Variants in ATP8A2 observed in about 807,000 individuals in gnomAD.
ATP8A2 encodes phospholipid-transporting ATPase IB.
In ATP8A2, 100 loss-of-function variants were observed where a neutral mutation model predicts 165.6. The ratio of observed to expected loss-of-function variants is 0.60; its 90% CI spans 0.51 to 0.71. ATP8A2 has a LOEUF of 0.71. Among genes scored for constraint, ATP8A2 ranks in the 30% least tolerant of loss-of-function variants. The pLI is 0.00. For synonymous variants in ATP8A2, 543 were observed against 548.8 expected (o/e 0.99, Z 0.15); for missense variants, 1,227 against 1,479.5 (o/e 0.83, Z 2.80).
chr13:25,800,126 G>A (rs2181425), intron 27 of ATP8A2, among the ~76,000 whole-genome samples: 86,385 of 152,110 alleles, frequency 0.57, 24,813 homozygotes, highest in East Asian at 0.69. Flanking sequence ...TTCATTTTAC[G>A]TGAGGAAGCC....
At chr13:25,724,345 C>T (rs1463305666) in intron 25 of ATP8A2, among the ~76,000 whole-genome samples, 1 of 152,106 alleles carries the variant, frequency 6.6e-6, no homozygotes, top group African/African-American at 2.4e-5. Context: ...CACTAACAAG[C>T]GGTAGAAATG....
At chr13:25,904,262 G>A (rs1303730684) in intron 33 of ATP8A2, among the ~76,000 whole-genome samples, 1 of 152,160 alleles carries the variant, frequency 6.6e-6, no homozygotes, top group Non-Finnish European at 1.5e-5. Flanking sequence ...AGAAACCTTG[G>A]GGAGTCTGAT....
intron 22 of ATP8A2, among the ~76,000 whole-genome samples, chr13:25,581,186 C>T (rs2039766536): frequency 6.6e-6 from 1 of 152,122 alleles, no homozygotes; most frequent in Non-Finnish European, 1.5e-5. Context: ...GATGTGAGTA[C>T]ATGGAGCAGG....
At chr13:25,614,472 C>A (rs1438689074) in intron 24 of ATP8A2, among the ~76,000 whole-genome samples, 2 of 152,064 alleles carry the variant, frequency 1.3e-5, no homozygotes, top group African/African-American at 4.8e-5. Flanking sequence ...CTGGTGCCTC[C>A]TTGAGTAGCT....
chr13:25,837,125 G>A (rs377335769), intron 28 of ATP8A2, 38 bp from the exon 29 acceptor site: 189 of 1,600,220 alleles, frequency 1.2e-4, no homozygotes, highest in East Asian at 2.0e-4. Context: ...GTGTGGATCC[G>A]AAGGGCTGCT....
Position 25,579,912 on chromosome 13 carries a change from C to G in ATP8A2, c.1972C>G (p.Gln658Glu). 1 of 1,613,992 alleles carries G rather than the reference C, an allele frequency of 6.2e-7. No homozygotes were observed. Among genetic ancestry groups the G allele is most frequent in the African/African-American group, 1.3e-5 (1 of 74,998 alleles). Residue 658 changes from glutamine to glutamate, a missense_variant, in exon 22 of 37, where the codon CAA (glutamine) becomes GAA (glutamate). Physicochemically the swap from Gln to Glu is conservative, Grantham distance 29 (BLOSUM62 2). Coordinates refer to ENST00000381655, the MANE Select transcript of ATP8A2 (RefSeq NM_016529.6). ...CAGCACCATATTGAAGGACAGAGCT[C>G]AACGGTTGGAAGAGTGTTACGAGAT... The part of the protein sequence containing the change: ...EASTILKDRA[Q>E]RLEECYEIIE...
intron 25 of ATP8A2, among the ~76,000 whole-genome samples, chr13:25,745,479 A>T (rs1327359675): frequency 6.6e-6 from 1 of 152,190 alleles, no homozygotes; most frequent in Admixed American, 6.5e-5. Flanking sequence ...CAACGACTGG[A>T]CATGGACATT....
intron 24 of ATP8A2, among the ~76,000 whole-genome samples, chr13:25,598,561 T>C (rs1387542946): frequency 6.6e-6 from 1 of 152,206 alleles, no homozygotes; most frequent in Non-Finnish European, 1.5e-5. Context: ...ACAGGACTTG[T>C]GCACGTCAAA....
intron 10 of ATP8A2, among the ~76,000 whole-genome samples, chr13:25,549,623 C>T (rs1354648832): frequency 1.3e-5 from 2 of 152,090 alleles, no homozygotes; most frequent in African/African-American, 4.8e-5. Context: ...TGGCTTTCCT[C>T]TCTTCAGTGT....
rs77869403 is a variant in ATP8A2, at chr13:25,953,084, C to G, written c.3184-8491C>G. Among the ~76,000 whole-genome samples the G allele has an allele frequency of 2.7e-3, 414 of 152,290 alleles. 1 individual carries two copies. Among genetic ancestry groups the G allele is most frequent in the African/African-American group, 9.6e-3 (401 of 41,560 alleles). ...GGCAACTGCAAGGGTTCTTCCAAAT[C>G]CGATTGTCCTGACAGGTTTTGTTTT... On this transcript the variant is annotated intron_variant, in intron 33 of 36. Transcript: ENST00000381655. This position sits in a 1 kb window ranked among gnomAD's most constrained non-coding sequence, Gnocchi z 6.7.
At chr13:25,632,691 T>C (rs1345391746) in intron 24 of ATP8A2, among the ~76,000 whole-genome samples, 1 of 152,112 alleles carries the variant, frequency 6.6e-6, no homozygotes, top group Non-Finnish European at 1.5e-5. Flanking sequence ...GGATGGGCCT[T>C]AGGTAAAGAC....
At chr13:25,567,755 A>G (rs1409700274) in intron 16 of ATP8A2, among the ~76,000 whole-genome samples, 1 of 152,200 alleles carries the variant, frequency 6.6e-6, no homozygotes, top group Non-Finnish European at 1.5e-5. Context: ...TATGTTAACT[A>G]AACTCTTTGA....
intron 10 of ATP8A2, among the ~76,000 whole-genome samples, chr13:25,549,347 C>T (rs527936359): frequency 6.6e-6 from 1 of 151,634 alleles, no homozygotes; most frequent in Non-Finnish European, 1.5e-5. Context: ...GTAATCCCAG[C>T]TACTTGGGAG....
At chr13:25,596,757 T>C (rs2040246286) in intron 24 of ATP8A2, among the ~76,000 whole-genome samples, 1 of 152,232 alleles carries the variant, frequency 6.6e-6, no homozygotes, top group Admixed American at 6.5e-5. Context: ...GGTGAACATC[T>C]GTTTTTGTTT....
chr13:25,823,847 T>C (rs886701815), intron 27 of ATP8A2, among the ~76,000 whole-genome samples: 1 of 152,324 alleles, frequency 6.6e-6, no homozygotes, highest in East Asian at 1.9e-4. Context: ...TTTTAACTTC[T>C]ATTTTCCTCT....
intron 33 of ATP8A2, among the ~76,000 whole-genome samples, chr13:25,890,841 A>T (rs1314811701): frequency 6.6e-6 from 1 of 152,268 alleles, no homozygotes; most frequent in Non-Finnish European, 1.5e-5. Context: ...GTATTGCTTA[A>T]AAATGACACA....
At chr13:25,501,414 G>C (rs970329283) in intron 2 of ATP8A2, among the ~76,000 whole-genome samples, 1 of 152,210 alleles carries the variant, frequency 6.6e-6, no homozygotes. Flanking sequence ...TGGTTGTCTG[G>C]CATCTGGCTC....
At chr13:25,994,866 A>G (rs902843924) in intron 35 of ATP8A2, among the ~76,000 whole-genome samples, 9 of 152,082 alleles carry the variant, frequency 5.9e-5, no homozygotes, top group Non-Finnish European at 1.3e-4. Context: ...GGACTGGTAT[A>G]GTATAATAGT....
chr13:26,016,644 T>A (rs1956981616), intron 36 of ATP8A2, among the ~76,000 whole-genome samples: 1 of 152,226 alleles, frequency 6.6e-6, no homozygotes, highest in South Asian at 2.1e-4. Context: ...TATGTCTCCA[T>A]GAGTTCCCCC....
Sources: allele counts gnomAD v4.1 joint callset (sites outside exome capture counted in the v4.1 genomes callset), GRCh38; gene constraint gnomAD v4.1.1; non-coding constraint Gnocchi (gnomAD v3.1); transcripts MANE v1.5; gene names NCBI Gene and HGNC (gene_info 2026-07-23, HGNC 2026-07-21).